The following SV2C variants were observed in gnomAD, a reference collection of about 807,000 sequenced individuals.
The protein encoded by SV2C is synaptic vesicle glycoprotein 2C, also known as solute carrier family 22 member B3.
In SV2C, 49 loss-of-function variants were observed where a neutral mutation model predicts 79.7. That is an observed-to-expected ratio of 0.61 (90% CI 0.49 to 0.78). The LOEUF is 0.78. SV2C is among the 30% of genes least tolerant of loss of function. The pLI is 0.00. For synonymous variants in SV2C, 334 were observed against 333.2 expected (o/e 1.00, Z -0.03); for missense variants, 833 against 912.9 (o/e 0.91, Z 1.13).
intron 1 of SV2C, among the ~76,000 whole-genome samples, chr5:76,126,689 CTACA>C (rs927659017): frequency 6.6e-6 from 1 of 152,214 alleles, no homozygotes; most frequent in Admixed American, 6.5e-5. Context: ...TCCCAGCACA[CTACA>C]TATCTGCAAG....
intron 3 of SV2C, among the ~76,000 whole-genome samples, chr5:76,195,960 G>A (rs575022876): frequency 6.6e-6 from 1 of 152,196 alleles, no homozygotes; most frequent in Admixed American, 6.5e-5. Context: ...TAAGAACTTA[G>A]AGACTTTTTT....
chr5:76,198,434 C>G (rs1262426360), intron 3 of SV2C, among the ~76,000 whole-genome samples: 1 of 152,150 alleles, frequency 6.6e-6, no homozygotes, highest in Non-Finnish European at 1.5e-5. Context: ...TGCCAGCTCC[C>G]CTTTGCCCTC....
chr5:76,032,505 T>C, the SV2C span, among the ~76,000 whole-genome samples: 1 of 152,182 alleles, frequency 6.6e-6, no homozygotes, highest in Non-Finnish European at 1.5e-5. Flanking sequence ...GTGTTGGGTT[T>C]TTTGTTCTTG....
At chr5:75,860,447 A>G in the SV2C span, among the ~76,000 whole-genome samples, 1 of 152,198 alleles carries the variant, frequency 6.6e-6, no homozygotes, top group East Asian at 1.9e-4. Flanking sequence ...AATGACACAA[A>G]CAAATGGAAA....
chr5:76,243,746 A>AC (rs1255721919), intron 4 of SV2C, among the ~76,000 whole-genome samples: 2 of 151,544 alleles, frequency 1.3e-5, no homozygotes, highest in African/African-American at 4.9e-5. Flanking sequence ...CCTATTCTTG[A>AC]CCCCCTGTGT....
In SV2C at chr5:76,126,534, G is replaced by C. The variant is rs577705482; in HGVS notation, c.-101-5116G>C. On this transcript the variant is annotated intron_variant, in intron 1 of 12. Coordinates refer to ENST00000502798, the MANE Select transcript of SV2C (RefSeq NM_014979.4). ...TTGTAGCCCAGCATGCCTGACTTGG[G>C]AGGGAGGTGTGGCATCAGGGATAAA... Among the ~76,000 whole-genome samples, 46 of 152,284 alleles carry C rather than the reference G, an allele frequency of 3.0e-4. 1 individual carries two copies. In the South Asian group the frequency reaches 9.5e-3, roughly 32 times the overall value.
intron 2 of SV2C, among the ~76,000 whole-genome samples, chr5:76,188,989 G>A (rs1744012549): frequency 6.6e-6 from 1 of 151,934 alleles, no homozygotes; most frequent in Non-Finnish European, 1.5e-5. Flanking sequence ...AGGCCAAAAA[G>A]GGAGAGAGGC....
chr5:76,206,084 A>G (rs1424501346), intron 3 of SV2C, among the ~76,000 whole-genome samples: 3 of 152,218 alleles, frequency 2.0e-5, no homozygotes, highest in Non-Finnish European at 4.4e-5. Context: ...ACAAAAAACA[A>G]CAAATAAGGA....
At chr5:76,033,843 T>C in the SV2C span, among the ~76,000 whole-genome samples, 1 of 151,814 alleles carries the variant, frequency 6.6e-6, no homozygotes, top group African/African-American at 2.4e-5. Context: ...TTGGGCAGTA[T>C]GGCCATTTTC....
At chr5:76,142,531 T>A (rs1434309279) in intron 2 of SV2C, among the ~76,000 whole-genome samples, 1 of 152,188 alleles carries the variant, frequency 6.6e-6, no homozygotes, top group Non-Finnish European at 1.5e-5. Context: ...GAGTATATGG[T>A]CATTCATAAT....
chr5:76,302,970 C>G (rs1748061474), intron 12 of SV2C, among the ~76,000 whole-genome samples: 1 of 152,118 alleles, frequency 6.6e-6, no homozygotes, highest in South Asian at 2.1e-4. Flanking sequence ...GGCTCATTCC[C>G]TTTTTTTATT....
intron 12 of SV2C, among the ~76,000 whole-genome samples, chr5:76,313,238 T>A (rs1748515051): frequency 1.3e-5 from 2 of 152,246 alleles, no homozygotes; most frequent in Non-Finnish European, 2.9e-5. Flanking sequence ...TCTCACTTAT[T>A]TGTGAAGATT....
the SV2C span, among the ~76,000 whole-genome samples, chr5:76,055,369 G>A: frequency 5.3e-5 from 8 of 152,060 alleles, no homozygotes; most frequent in Admixed American, 3.3e-4. Context: ...GATCTGTTAC[G>A]TACCAGTACC....
the SV2C span, among the ~76,000 whole-genome samples, chr5:76,078,250 T>C: frequency 2.0e-5 from 3 of 152,164 alleles, no homozygotes; most frequent in African/African-American, 7.2e-5. Context: ...GAGAGGGTTG[T>C]GGGAGAGCAG....
the SV2C span, among the ~76,000 whole-genome samples, chr5:75,897,969 C>T: frequency 6.6e-6 from 1 of 151,658 alleles, no homozygotes; most frequent in Non-Finnish European, 1.5e-5. Context: ...AGATTTTGGG[C>T]TGAGACAATG....
chr5:76,157,713 G>A (rs200533744), intron 2 of SV2C, among the ~76,000 whole-genome samples: 3 of 151,576 alleles, frequency 2.0e-5, no homozygotes, highest in East Asian at 3.9e-4. Flanking sequence ...ATAAACAAAC[G>A]AAGGGATCCA....
At chr5:76,299,402 A>G (rs545574793) in intron 10 of SV2C, among the ~76,000 whole-genome samples, 1 of 152,316 alleles carries the variant, frequency 6.6e-6, no homozygotes, top group African/African-American at 2.4e-5. Flanking sequence ...GAACACCTAT[A>G]TACTGTTTTC....
the SV2C span, among the ~76,000 whole-genome samples, chr5:75,956,331 G>A: frequency 1.4e-5 from 2 of 143,180 alleles, no homozygotes; most frequent in East Asian, 4.1e-4. Flanking sequence ...TCACTCATAG[G>A]TGGGAATTGA....
chr5:75,890,992 T>C, the SV2C span, among the ~76,000 whole-genome samples: 1 of 152,084 alleles, frequency 6.6e-6, no homozygotes, highest in Admixed American at 6.6e-5. Flanking sequence ...GCTGTGTTGA[T>C]TATGTAGGGA....
Sources: gnomAD v4.1 joint callset for allele counts (sites outside exome capture counted in the v4.1 genomes callset) on GRCh38, gnomAD v4.1.1 for gene constraint, MANE v1.5 for transcripts, NCBI Gene and HGNC (gene_info 2026-07-23, HGNC 2026-07-21) for gene names.